Variants in RPA3 observed in about 807,000 individuals in gnomAD.
RPA3 encodes replication protein A 14 kDa subunit.
A neutral mutation model predicts 13.7 loss-of-function variants in RPA3; 24 were observed. That is an observed-to-expected ratio of 1.75 (90% CI 1.27 to 2.46). The LOEUF (loss-of-function observed/expected upper bound fraction) is 2.46. Among genes scored for constraint, RPA3 ranks in the 30% most tolerant of loss-of-function variants. RPA3 has a pLI of 0.00. For missense variants in RPA3, 183 were observed against 151.0 expected (o/e 1.21, Z -1.11); for synonymous variants, 59 against 51.2 (o/e 1.15, Z -0.65).
chr7:7,717,568 TTAAC>T (rs28912675), intron 1 of RPA3, among the ~76,000 whole-genome samples: 7 of 152,250 alleles, frequency 4.6e-5, no homozygotes, highest in African/African-American at 1.4e-4. Flanking sequence ...ATTTCCCACT[TTAAC>T]TGATTTTTTT....
intron 4 of RPA3, among the ~76,000 whole-genome samples, chr7:7,676,807 A>G (rs1583722888): frequency 6.6e-6 from 1 of 152,182 alleles, no homozygotes; most frequent in East Asian, 1.9e-4. Flanking sequence ...TGAAGAACTT[A>G]ACTGAATTGA....
chr7:7,668,454 T>C (rs1466001579), intron 4 of RPA3, among the ~76,000 whole-genome samples: 2 of 152,214 alleles, frequency 1.3e-5, no homozygotes, highest in Non-Finnish European at 2.9e-5. Context: ...TATATATTGT[T>C]ATAGTTCTAT....
At chr7:7,656,364 C>T (rs988290262) in intron 4 of RPA3, among the ~76,000 whole-genome samples, 4 of 150,614 alleles carry the variant, frequency 2.7e-5, no homozygotes, top group Admixed American at 6.6e-5. Context: ...ATGTACAGAA[C>T]GTGCAGGTTT....
chr7:7,675,763 T>TA (rs1779723477), intron 4 of RPA3, among the ~76,000 whole-genome samples: 1 of 152,156 alleles, frequency 6.6e-6, no homozygotes, highest in Non-Finnish European at 1.5e-5. Flanking sequence ...AGGAATCACT[T>TA]CCGTCGTAGT....
chr7:7,680,005 A>T (rs1025935247), intron 4 of RPA3, among the ~76,000 whole-genome samples: 1 of 151,602 alleles, frequency 6.6e-6, no homozygotes, highest in African/African-American at 2.4e-5. Context: ...TTTACTGTTG[A>T]TTAATCATTT....
chr7:7,715,384 T>C (rs76270775), intron 1 of RPA3, among the ~76,000 whole-genome samples, 158 bp from the exon 2 acceptor site: 2,671 of 152,324 alleles, frequency 0.018, 79 homozygotes, highest in African/African-American at 0.061. Context: ...ATGAATTTTT[T>C]CCCAAATCTG....
intron 4 of RPA3, among the ~76,000 whole-genome samples, chr7:7,662,278 C>T (rs1450142336): frequency 6.6e-6 from 1 of 152,170 alleles, no homozygotes; most frequent in African/African-American, 2.4e-5. Flanking sequence ...AGCTAGACCA[C>T]TTGGCTCCCT....
chr7:7,641,803 A>G (rs546595735), intron 4 of RPA3: 1 of 152,244 alleles, frequency 6.6e-6, no homozygotes, highest in Non-Finnish European at 1.5e-5. Context: ...GTCATCGTTC[A>G]AATTCCCTTA....
chr7:7,704,814 T>C (rs1259806231), intron 2 of RPA3, among the ~76,000 whole-genome samples: 1 of 135,674 alleles, frequency 7.4e-6, no homozygotes, highest in Admixed American at 7.6e-5. Flanking sequence ...TGTACTTAAA[T>C]GCCAGTTTAA....
intron 4 of RPA3, among the ~76,000 whole-genome samples, chr7:7,656,352 A>G (rs1219589323): frequency 6.6e-6 from 1 of 152,122 alleles, no homozygotes; most frequent in Non-Finnish European, 1.5e-5. Flanking sequence ...GTTCTGGAGT[A>G]CATGTACAGA....
At chr7:7,688,550 C>A (rs1428481983) in intron 2 of RPA3, among the ~76,000 whole-genome samples, 1 of 152,178 alleles carries the variant, frequency 6.6e-6, no homozygotes, top group Non-Finnish European at 1.5e-5. Flanking sequence ...TGTTCAGTGT[C>A]AAGATCTCAG....
chr7:7,663,819 C>T (rs1444239250), intron 4 of RPA3, among the ~76,000 whole-genome samples: 4 of 152,164 alleles, frequency 2.6e-5, no homozygotes, highest in African/African-American at 4.8e-5. Context: ...GAATTACATG[C>T]ATGACTATCA....
intron 4 of RPA3, among the ~76,000 whole-genome samples, chr7:7,650,121 G>A (rs1785191178): frequency 6.6e-6 from 1 of 152,206 alleles, no homozygotes; most frequent in Admixed American, 6.5e-5. Flanking sequence ...GACAGAACCT[G>A]TAATTCCATT....
At chr7:7,680,078 G>T (rs1221333193) in intron 4 of RPA3, among the ~76,000 whole-genome samples, 2 of 151,954 alleles carry the variant, frequency 1.3e-5, no homozygotes, top group Non-Finnish European at 2.9e-5. Flanking sequence ...TGCTTTGGTT[G>T]CCTGTGCTTG....
chr7:7,697,982 A>G (rs927696565), intron 2 of RPA3, among the ~76,000 whole-genome samples: 25 of 152,168 alleles, frequency 1.6e-4, no homozygotes, highest in African/African-American at 5.8e-4. Context: ...TGGATTCCTT[A>G]GCAAGCTGAC....
chr7:7,676,858 T>A (rs1479611546), intron 4 of RPA3, among the ~76,000 whole-genome samples: 1 of 152,124 alleles, frequency 6.6e-6, no homozygotes, highest in Admixed American at 6.5e-5. Context: ...TATAGTTAAT[T>A]GTCTTTAAAG....
At chr7:7,637,148 A>C in intron 7 of RPA3, 66 bp from the exon 8 acceptor site, 2 of 1,133,272 alleles carry the variant, frequency 1.8e-6, no homozygotes, top group African/African-American at 1.5e-5. Context: ...TTATTATCTA[A>C]GATATTTTTA....
intron 2 of RPA3, among the ~76,000 whole-genome samples, chr7:7,695,212 A>G (rs772672007): frequency 1.3e-5 from 2 of 152,160 alleles, no homozygotes; most frequent in Non-Finnish European, 2.9e-5. Context: ...GTTTCCAAGT[A>G]GAGAAAATCA....
chr7:7,657,303 G>A (rs1264213198), intron 4 of RPA3, among the ~76,000 whole-genome samples: 1 of 152,172 alleles, frequency 6.6e-6, no homozygotes, highest in Non-Finnish European at 1.5e-5. Flanking sequence ...CTGTGCAGAA[G>A]CTCTTTAGCT....
Sources: gnomAD v4.1 joint callset for allele counts (sites outside exome capture counted in the v4.1 genomes callset) on GRCh38, gnomAD v4.1.1 for gene constraint, MANE v1.5 for transcripts, NCBI Gene and HGNC (gene_info 2026-07-23, HGNC 2026-07-21) for gene names.